EIF4E: variants seen among roughly 807,000 people sequenced by gnomAD.
EIF4E encodes the protein eukaryotic translation initiation factor 4E.
For missense variants in EIF4E, 113 were observed against 265.6 expected (o/e 0.43, Z 3.99); for synonymous variants, 71 against 88.5 (o/e 0.80, Z 1.11).
intron 2 of EIF4E, chr4:98,895,312 T>C (rs1579158523): frequency 6.6e-6 from 1 of 152,172 alleles, no homozygotes; most frequent in Non-Finnish European, 1.5e-5. Context: ...CACAGTAAAA[T>C]GAGGTACGCC....
At chr4:98,913,319 A>G (rs1725233387) in intron 1 of EIF4E, among the ~76,000 whole-genome samples, 1 of 152,136 alleles carries the variant, frequency 6.6e-6, no homozygotes, top group Non-Finnish European at 1.5e-5. Flanking sequence ...TTCTTATCCA[A>G]CAAATTTTTT....
intron 2 of EIF4E, among the ~76,000 whole-genome samples, chr4:98,893,390 T>C (rs1250488575): frequency 6.6e-6 from 1 of 152,246 alleles, no homozygotes; most frequent in Non-Finnish European, 1.5e-5. Context: ...GCAATGCTGT[T>C]TGTAAGCATT....
intron 1 of EIF4E, among the ~76,000 whole-genome samples, chr4:98,911,284 G>A (rs1424065257): frequency 2.6e-5 from 4 of 151,000 alleles, no homozygotes; most frequent in Admixed American, 1.3e-4. Context: ...TCCTGACCTC[G>A]TGATTCACCC....
chr4:98,883,555 C>T (rs1265067101), intron 6 of EIF4E, among the ~76,000 whole-genome samples: 1 of 151,750 alleles, frequency 6.6e-6, no homozygotes, highest in Admixed American at 6.6e-5. Context: ...CCCGCCACCA[C>T]GCCCAGCTAA....
At chr4:98,925,687 T>C (rs970549860) in intron 1 of EIF4E, among the ~76,000 whole-genome samples, 1 of 152,162 alleles carries the variant, frequency 6.6e-6, no homozygotes, top group African/African-American at 2.4e-5. Flanking sequence ...ACAAAAATCA[T>C]CCAGATACCT....
At chr4:98,884,797 T>C in intron 6 of EIF4E, 125 bp downstream of exon 6, 1 of 1,324,712 alleles carries the variant, frequency 7.5e-7, no homozygotes, top group Non-Finnish European at 1.1e-6. Context: ...ATAAAAGTGT[T>C]CACGAAAACA....
chr4:98,913,078 C>G (rs1000618297), intron 1 of EIF4E, among the ~76,000 whole-genome samples: 1 of 151,970 alleles, frequency 6.6e-6, no homozygotes, highest in Non-Finnish European at 1.5e-5. Flanking sequence ...TGTAGTGGCA[C>G]GCGCCTGTAA....
At chr4:98,928,656 A>T (rs1284680426) in intron 1 of EIF4E, among the ~76,000 whole-genome samples, 1 of 151,708 alleles carries the variant, frequency 6.6e-6, no homozygotes, top group Non-Finnish European at 1.5e-5. Flanking sequence ...GCAGGGAGGG[A>T]AAGGCTGCTC....
intron 1 of EIF4E, among the ~76,000 whole-genome samples, chr4:98,903,235 A>G (rs1240860439): frequency 1.3e-5 from 2 of 152,238 alleles, no homozygotes; most frequent in East Asian, 1.9e-4. Context: ...AAGTGTTTGG[A>G]TATCAGACTG....
chr4:98,897,139 T>C (rs1455168667), intron 2 of EIF4E, among the ~76,000 whole-genome samples: 1 of 152,118 alleles, frequency 6.6e-6, no homozygotes, highest in Non-Finnish European at 1.5e-5. Context: ...ACATTTGCAC[T>C]AACGGTGCAA....
chr4:98,928,497 C>T (rs942014658), intron 1 of EIF4E, among the ~76,000 whole-genome samples: 6 of 152,092 alleles, frequency 3.9e-5, no homozygotes, highest in African/African-American at 1.4e-4. Flanking sequence ...CTCAACTCCC[C>T]TAAGCGAGGT....
intron 6 of EIF4E, among the ~76,000 whole-genome samples, chr4:98,883,693 G>C (rs886296069): frequency 1.3e-5 from 2 of 151,878 alleles, no homozygotes; most frequent in Non-Finnish European, 2.9e-5. Flanking sequence ...GTGAGCCACT[G>C]CGCCTGGTGT....
chr4:98,922,034 T>C (rs1301481197), intron 1 of EIF4E, among the ~76,000 whole-genome samples: 1 of 152,186 alleles, frequency 6.6e-6, no homozygotes, highest in African/African-American at 2.4e-5. Context: ...TGCCCACACG[T>C]TTTATTTTAT....
intron 1 of EIF4E, among the ~76,000 whole-genome samples, chr4:98,926,993 G>C (rs892512497): frequency 1.3e-5 from 2 of 152,154 alleles, no homozygotes; most frequent in Non-Finnish European, 2.9e-5. Flanking sequence ...TTACAGTCTC[G>C]TAGCCTTGCC....
At chr4:98,907,898 C>T (rs554988035) in intron 1 of EIF4E, among the ~76,000 whole-genome samples, 1 of 152,204 alleles carries the variant, frequency 6.6e-6, no homozygotes, top group East Asian at 1.9e-4. Flanking sequence ...GCAATCAGTA[C>T]TTGAGATGAC....
intron 6 of EIF4E, 142 bp from the exon 7 acceptor site, chr4:98,881,284 T>C: frequency 2.1e-6 from 3 of 1,408,566 alleles, no homozygotes; most frequent in Non-Finnish European, 2.8e-6. Flanking sequence ...TTATACACCC[T>C]TTTCCTTTCA....
intron 1 of EIF4E, 86 bp from the exon 2 acceptor site, chr4:98,902,068 C>T (rs572459366): frequency 2.3e-6 from 3 of 1,326,090 alleles, no homozygotes; most frequent in East Asian, 2.4e-5. Context: ...AACTGATATG[C>T]TGATAATTTT....
chr4:98,893,386 C>T (rs1447896112), intron 2 of EIF4E, among the ~76,000 whole-genome samples: 1 of 152,252 alleles, frequency 6.6e-6, no homozygotes, highest in South Asian at 2.1e-4. Context: ...GCATGCAATG[C>T]TGTTTGTAAG....
chr4:98,884,209 T>G (rs1723817206), intron 6 of EIF4E, among the ~76,000 whole-genome samples: 1 of 152,196 alleles, frequency 6.6e-6, no homozygotes, highest in African/African-American at 2.4e-5. Context: ...CATATACTAT[T>G]TGCCAATAAT....
Sources: allele counts gnomAD v4.1 joint callset (sites outside exome capture counted in the v4.1 genomes callset), GRCh38; gene constraint gnomAD v4.1.1; transcripts MANE v1.5; gene names NCBI Gene and HGNC (gene_info 2026-07-23, HGNC 2026-07-21).